Variants in PCDH9 observed in about 807,000 individuals in gnomAD.
The protein encoded by PCDH9 is protocadherin-9.
In PCDH9, 24 loss-of-function variants were observed where a neutral mutation model predicts 70.6. That is an observed-to-expected ratio of 0.34 (90% CI 0.25 to 0.48). The LOEUF is 0.48. PCDH9 is among the 20% of genes least tolerant of loss of function. PCDH9 has a pLI of 0.99. For missense variants in PCDH9, 1,281 were observed against 1,503.6 expected, an observed-to-expected ratio of 0.85 and a Z score of 2.45; for synonymous variants, 562 against 558.5, an observed-to-expected ratio of 1.01 and a Z score of -0.09.
chr13:67,151,228 A>G (rs2087652628), intron 2 of PCDH9, among the ~76,000 whole-genome samples: 1 of 152,078 alleles, frequency 6.6e-6, no homozygotes, highest in Admixed American at 6.6e-5. Context: ...TTATCTCTGT[A>G]CTATCTTGAA....
At chr13:66,881,019 T>C (rs1316686219) in intron 3 of PCDH9, among the ~76,000 whole-genome samples, 2 of 152,182 alleles carry the variant, frequency 1.3e-5, no homozygotes, top group Non-Finnish European at 2.9e-5. Flanking sequence ...TTAATACATT[T>C]TGAGTTTTCA....
intron 4 of PCDH9, among the ~76,000 whole-genome samples, chr13:66,613,410 CT>C (rs1437139875): frequency 6.6e-6 from 1 of 152,220 alleles, no homozygotes; most frequent in Non-Finnish European, 1.5e-5. Flanking sequence ...TTTAAAGTCT[CT>C]TTTTCCCTTT....
intron 4 of PCDH9, among the ~76,000 whole-genome samples, chr13:66,371,196 C>A (rs892780396): frequency 6.6e-6 from 1 of 152,006 alleles, no homozygotes; most frequent in African/African-American, 2.4e-5. Flanking sequence ...CTTTCATGAT[C>A]GCATTTTCCC....
intron 3 of PCDH9, among the ~76,000 whole-genome samples, chr13:66,713,445 C>T (rs1009361639): frequency 1.1e-4 from 16 of 151,280 alleles, no homozygotes; most frequent in African/African-American, 3.9e-4. Flanking sequence ...TACTCATTCT[C>T]TACTTCAAAG....
At chr13:66,558,398 G>A (rs1431868567) in intron 4 of PCDH9, among the ~76,000 whole-genome samples, 1 of 151,982 alleles carries the variant, frequency 6.6e-6, no homozygotes, top group Non-Finnish European at 1.5e-5. Context: ...TGTCTTGTAA[G>A]GAGGTGGAGG....
chr13:66,960,168 A>G (rs1488761385), intron 2 of PCDH9, among the ~76,000 whole-genome samples: 1 of 152,232 alleles, frequency 6.6e-6, no homozygotes, highest in East Asian at 1.9e-4. Context: ...ACATTCACTT[A>G]CAAATATATT....
chr13:66,740,393 G>C, intron 3 of PCDH9, among the ~76,000 whole-genome samples: 2 of 95,432 alleles, frequency 2.1e-5, no homozygotes, highest in Admixed American at 1.2e-4. Flanking sequence ...AAGCAGGAAA[G>C]ATCCAAAATT....
intron 4 of PCDH9, among the ~76,000 whole-genome samples, chr13:66,575,888 C>T (rs2076807742): frequency 6.6e-6 from 1 of 152,026 alleles, no homozygotes; most frequent in Admixed American, 6.6e-5. Context: ...CTCTCCAATA[C>T]TCAGTACAAT....
At chr13:66,888,405 G>A (rs972628717) in intron 3 of PCDH9, among the ~76,000 whole-genome samples, 5 of 151,986 alleles carry the variant, frequency 3.3e-5, no homozygotes, top group African/African-American at 7.3e-5. Context: ...GGGAGGCTGA[G>A]GTGGGAGGAT....
At chr13:66,768,550 A>C (rs1197197803) in intron 3 of PCDH9, among the ~76,000 whole-genome samples, 2 of 152,084 alleles carry the variant, frequency 1.3e-5, no homozygotes, top group African/African-American at 4.8e-5. Context: ...CTAATGAGAA[A>C]GTTTTACTTA....
At chr13:67,083,905 T>C (rs575959367) in intron 2 of PCDH9, among the ~76,000 whole-genome samples, 1 of 152,306 alleles carries the variant, frequency 6.6e-6, no homozygotes, top group African/African-American at 2.4e-5. Flanking sequence ...AAAATTCCTG[T>C]AAATGTAGGA....
intron 3 of PCDH9, among the ~76,000 whole-genome samples, chr13:66,895,620 G>T (rs1042704718): frequency 6.6e-6 from 1 of 152,184 alleles, no homozygotes; most frequent in Non-Finnish European, 1.5e-5. Context: ...ATAAGCAAAT[G>T]CTTGAGCAGC....
In PCDH9 at chr13:66,642,489, T is replaced by A. The variant is rs192260578; in HGVS notation, c.3139-11078A>T. On this transcript the variant is annotated intron_variant, in intron 3 of 4. Transcript: ENST00000377865. ...AACAGAAATCTTATAAAGTATCTAT[T>A]CTGTTCTTTATTAGGTACTTAATGA... Among the ~76,000 whole-genome samples the A allele has an allele frequency of 2.0e-5, 3 of 152,178 alleles. No homozygotes were observed. In the East Asian group the frequency reaches 5.8e-4, roughly 29 times the overall value.
chr13:66,786,708 A>T (rs2080085255), intron 3 of PCDH9, among the ~76,000 whole-genome samples: 1 of 152,172 alleles, frequency 6.6e-6, no homozygotes, highest in South Asian at 2.1e-4. Context: ...CCTTAAGAAA[A>T]TATCCCATTT....
intron 4 of PCDH9, among the ~76,000 whole-genome samples, chr13:66,580,546 T>C (rs370824784): frequency 4.6e-5 from 7 of 151,818 alleles, no homozygotes; most frequent in Non-Finnish European, 5.9e-5. Flanking sequence ...GTCAATGGTA[T>C]GGACATCTTT....
chr13:67,208,857 C>T (rs1186507349), intron 2 of PCDH9: 1 of 152,166 alleles, frequency 6.6e-6, no homozygotes, highest in Non-Finnish European at 1.5e-5. Flanking sequence ...ACCATGTTTG[C>T]TGCCACTGTT....
In PCDH9 at chr13:66,650,070, A is replaced by C. The variant is rs529254040; in HGVS notation, c.3139-18659T>G. Among the ~76,000 whole-genome samples the C allele has an allele frequency of 3.3e-5, 5 of 152,106 alleles. No individual in the cohort carries two copies. The South Asian group carries it at 1.0e-3, about 31-fold the overall frequency. On this transcript the variant is annotated intron_variant, in intron 3 of 4. Transcript: ENST00000377865. ...GTAAAAGGAAGATAGGAAGGAAGAA[A>C]AGAAAGAAGAGAAGGCCACAAAACA... is the stretch of plus-strand genomic sequence containing the variant.
At chr13:66,564,940 A>T (rs1423489528) in intron 4 of PCDH9, among the ~76,000 whole-genome samples, 1 of 152,080 alleles carries the variant, frequency 6.6e-6, no homozygotes, top group Non-Finnish European at 1.5e-5. Context: ...ACTCATGCAC[A>T]TGGATGTAAC....
intron 3 of PCDH9, among the ~76,000 whole-genome samples, chr13:66,902,116 G>C (rs1029404655): frequency 1.3e-5 from 2 of 151,654 alleles, no homozygotes; most frequent in Admixed American, 6.6e-5. Context: ...CATACACAGT[G>C]AAGAGGAAAA....
Sources: gnomAD v4.1 joint callset for allele counts (sites outside exome capture counted in the v4.1 genomes callset) on GRCh38, gnomAD v4.1.1 for gene constraint, MANE v1.5 for transcripts, NCBI Gene and HGNC (gene_info 2026-07-23, HGNC 2026-07-21) for gene names.